The following EPHA3 variants were observed in gnomAD, a reference collection of about 807,000 sequenced individuals.
The protein encoded by EPHA3 is EPH receptor A3, also known as ephrin type-A receptor 3.
In EPHA3, 42 loss-of-function variants were observed where a neutral mutation model predicts 107.1. The observed-to-expected ratio is 0.39, with a 90% CI of 0.31 to 0.51. The LOEUF (loss-of-function observed/expected upper bound fraction) is 0.51. Among genes scored for constraint, EPHA3 ranks in the 20% least tolerant of loss-of-function variants. The pLI is 0.78. For missense variants in EPHA3, 1,183 were observed against 1,211.2 expected (o/e 0.98, Z 0.35); for synonymous variants, 461 against 424.8 (o/e 1.09, Z -1.05).
intron 2 of EPHA3, among the ~76,000 whole-genome samples, chr3:89,190,946 C>T (rs570538071): frequency 5.4e-4 from 82 of 152,280 alleles, no homozygotes; most frequent in South Asian, 1.7e-3. Flanking sequence ...TCCAAATATA[C>T]TCCCATCCTG....
chr3:89,257,018 A>G (rs34519192), intron 3 of EPHA3, among the ~76,000 whole-genome samples: 37,149 of 152,232 alleles, frequency 0.24, 4,995 homozygotes, highest in African/African-American at 0.38. Context: ...GTATGTATGT[A>G]CACACATGTA....
chr3:89,294,119 C>T (rs1179603791), intron 3 of EPHA3, among the ~76,000 whole-genome samples: 1 of 152,108 alleles, frequency 6.6e-6, no homozygotes, highest in African/African-American at 2.4e-5. Flanking sequence ...CAACTTTTCT[C>T]CTAACCCAAA....
rs114229023 is a variant in EPHA3, at chr3:89,143,621, G to T, written c.153+16348G>T. 3.9e-3 allele frequency among the ~76,000 whole-genome samples: 595 copies of T among 151,622 alleles called. 3 individuals carry two copies. Among genetic ancestry groups the T allele is most frequent in the African/African-American group, 0.014 (563 of 41,450 alleles). ...AAAATAATTTTAGATATACGGAAAAGTTGCAAAGATAGTACAGAGTTGCCA... is the reference window on the plus strand; with the variant it reads ...AAAATAATTTTAGATATACGGAAAATTTGCAAAGATAGTACAGAGTTGCCA... On this transcript the variant is annotated intron_variant, in intron 2 of 16. Transcript: ENST00000336596.
At chr3:89,434,067 T>C (rs1576375876) in intron 13 of EPHA3, among the ~76,000 whole-genome samples, 1 of 152,200 alleles carries the variant, frequency 6.6e-6, no homozygotes, top group East Asian at 1.9e-4. Context: ...TGCTTACTTA[T>C]ATTGTCCGTG....
chr3:89,419,121 T>A, intron 10 of EPHA3, 84 bp from the exon 11 acceptor site: 1 of 1,357,860 alleles, frequency 7.4e-7, no homozygotes. Flanking sequence ...TAAATGGAAA[T>A]TTTGAAATAA....
At chr3:89,385,043 C>T (rs1708588635) in intron 5 of EPHA3, among the ~76,000 whole-genome samples, 1 of 151,800 alleles carries the variant, frequency 6.6e-6, no homozygotes, top group African/African-American at 2.4e-5. Flanking sequence ...TTTATACACA[C>T]ACATACATAA....
At chr3:89,312,922 T>A (rs1221360522) in intron 3 of EPHA3, among the ~76,000 whole-genome samples, 1 of 152,032 alleles carries the variant, frequency 6.6e-6, no homozygotes, top group African/African-American at 2.4e-5. Flanking sequence ...ATCTTGTTAT[T>A]TTTTATGGCT....
chr3:89,253,101 T>C (rs1363259499), intron 3 of EPHA3, among the ~76,000 whole-genome samples: 1 of 152,036 alleles, frequency 6.6e-6, no homozygotes, highest in African/African-American at 2.4e-5. Context: ...AAAAGAGTTC[T>C]GCAAATGATA....
chr3:89,170,892 A>G, intron 2 of EPHA3, among the ~76,000 whole-genome samples: 1 of 152,176 alleles, frequency 6.6e-6, no homozygotes, highest in Non-Finnish European at 1.5e-5. Context: ...GGATCGTTAA[A>G]TAGAAGATGT....
chr3:89,225,958 A>G (rs957102931), intron 3 of EPHA3, among the ~76,000 whole-genome samples: 2 of 152,158 alleles, frequency 1.3e-5, no homozygotes, highest in African/African-American at 4.8e-5. Flanking sequence ...TGTTCACAGG[A>G]CTGCAAAGTA....
intron 3 of EPHA3, among the ~76,000 whole-genome samples, chr3:89,243,513 G>C (rs1358920048): frequency 6.6e-6 from 1 of 152,132 alleles, no homozygotes; most frequent in Non-Finnish European, 1.5e-5. Flanking sequence ...CAGTGATGAT[G>C]AGCATTTTTT....
At chr3:89,445,964 T>G (rs1165246690) in intron 13 of EPHA3, among the ~76,000 whole-genome samples, 3 of 152,298 alleles carry the variant, frequency 2.0e-5, no homozygotes, top group South Asian at 2.1e-4. Context: ...TTTAAAGTTG[T>G]CATTCTAACA....
chr3:89,256,414 C>CA (rs1334864003), intron 3 of EPHA3, among the ~76,000 whole-genome samples: 2 of 150,714 alleles, frequency 1.3e-5, no homozygotes, highest in African/African-American at 4.9e-5. Context: ...CTACTAAAAA[C>CA]AAAAAAATTA....
chr3:89,136,115 T>C (rs1463897161), intron 2 of EPHA3, among the ~76,000 whole-genome samples: 1 of 151,976 alleles, frequency 6.6e-6, no homozygotes, highest in Admixed American at 6.6e-5. Context: ...TCACCTGGGA[T>C]TCTGCCTTTA....
At chr3:89,245,725 G>T (rs1365889147) in intron 3 of EPHA3, among the ~76,000 whole-genome samples, 2 of 152,220 alleles carry the variant, frequency 1.3e-5, no homozygotes, top group Admixed American at 6.5e-5. Flanking sequence ...GTGGATGCCT[G>T]TGTACATTAT....
chr3:89,393,953 G>A (rs1287352669), intron 5 of EPHA3, among the ~76,000 whole-genome samples: 1 of 144,048 alleles, frequency 6.9e-6, no homozygotes, highest in African/African-American at 2.7e-5. Context: ...GCCAATTTAG[G>A]GACTAAAATA....
At chr3:89,135,601 A>C (rs781716450) in intron 2 of EPHA3, among the ~76,000 whole-genome samples, 22 of 151,862 alleles carry the variant, frequency 1.4e-4, no homozygotes, top group Non-Finnish European at 2.5e-4. Flanking sequence ...GTCTCTTTTA[A>C]TGGCATAAAA....
intron 1 of EPHA3, among the ~76,000 whole-genome samples, chr3:89,117,627 T>A (rs1707286962): frequency 6.6e-6 from 1 of 152,046 alleles, no homozygotes; most frequent in Admixed American, 6.6e-5. Context: ...AACAGTATTG[T>A]CCTCTTACAA....
chr3:89,318,983 T>C (rs1706976794), intron 3 of EPHA3, among the ~76,000 whole-genome samples: 1 of 151,956 alleles, frequency 6.6e-6, no homozygotes, highest in African/African-American at 2.4e-5. Context: ...TTTTCTTACT[T>C]ACCATATGTT....
Sources: allele counts gnomAD v4.1 joint callset (sites outside exome capture counted in the v4.1 genomes callset), GRCh38; gene constraint gnomAD v4.1.1; transcripts MANE v1.5; gene names NCBI Gene and HGNC (gene_info 2026-07-23, HGNC 2026-07-21).